The following ATP8B4 variants were observed in gnomAD, a reference collection of about 807,000 sequenced individuals.
ATP8B4 encodes ATPase phospholipid transporting 8B4 (putative), also known as probable phospholipid-transporting ATPase IM.
In ATP8B4, 133 loss-of-function variants were observed where a neutral mutation model predicts 145.6. The observed-to-expected ratio is 0.91, with a 90% CI of 0.79 to 1.05. The LOEUF (loss-of-function observed/expected upper bound fraction) is 1.05, where lower values mean the gene tolerates loss of function less well. Ranked by LOEUF, ATP8B4 falls within the 50% of genes least tolerant of loss-of-function variation. The probability of loss-of-function intolerance (pLI) is 0.00; values close to 1 mark genes in which losing one functional copy is unlikely to be tolerated. For missense variants in ATP8B4, 1,458 were observed against 1,425.2 expected (o/e 1.02, Z -0.37); for synonymous variants, 507 against 492.9 (o/e 1.03, Z -0.38).
At chr15:50,146,431 A>G (rs185350855) in intron 1 of ATP8B4, among the ~76,000 whole-genome samples, 1 of 152,244 alleles carries the variant, frequency 6.6e-6, no homozygotes. Context: ...GAACAAGAAA[A>G]ATAATTATTC....
At chr15:50,027,791 C>G (rs2050125005) in intron 6 of ATP8B4, among the ~76,000 whole-genome samples, 1 of 152,160 alleles carries the variant, frequency 6.6e-6, no homozygotes, top group Non-Finnish European at 1.5e-5. Context: ...TGGATAGGTC[C>G]TCGAAAACTA....
chr15:49,944,460 A>C (rs918357359), intron 14 of ATP8B4, among the ~76,000 whole-genome samples: 2 of 152,174 alleles, frequency 1.3e-5, no homozygotes, highest in African/African-American at 4.8e-5. Context: ...GTCAAAAACC[A>C]TTACAAGAGA....
intron 1 of ATP8B4, among the ~76,000 whole-genome samples, chr15:50,137,887 T>A (rs1054852314): frequency 6.6e-6 from 1 of 152,216 alleles, no homozygotes; most frequent in African/African-American, 2.4e-5. Context: ...ATGTTTTCAC[T>A]GTACCACATC....
At chr15:49,990,561 A>C (rs561971461) in intron 9 of ATP8B4, among the ~76,000 whole-genome samples, 5 of 152,266 alleles carry the variant, frequency 3.3e-5, no homozygotes, top group African/African-American at 1.2e-4. Context: ...ATACTGAAAA[A>C]AATCTACAGG....
intron 7 of ATP8B4, among the ~76,000 whole-genome samples, chr15:50,006,084 G>A (rs1234127658): frequency 6.6e-6 from 1 of 152,000 alleles, no homozygotes; most frequent in Admixed American, 6.6e-5. Flanking sequence ...TATGGTAATA[G>A]GTAACGTTTG....
intron 6 of ATP8B4, among the ~76,000 whole-genome samples, chr15:50,023,797 GAAAAAAAAGA>G (rs1567216032): frequency 8.7e-5 from 8 of 91,598 alleles, no homozygotes; most frequent in African/African-American, 1.3e-4. Context: ...AAAAAAAAAA[GAAAAAAAAGA>G]AAAAAAAAAA....
chr15:50,145,069 T>C (rs2044259895), intron 1 of ATP8B4, among the ~76,000 whole-genome samples: 1 of 152,250 alleles, frequency 6.6e-6, no homozygotes, highest in Admixed American at 6.5e-5. Context: ...GTATTACCTC[T>C]ACAATCCCAG....
chr15:50,052,502 A>C (rs983916564), intron 3 of ATP8B4, among the ~76,000 whole-genome samples: 3 of 152,246 alleles, frequency 2.0e-5, no homozygotes, highest in African/African-American at 7.2e-5. Context: ...GAGGAAGCAC[A>C]TGTTCCCTGT....
intron 23 of ATP8B4, among the ~76,000 whole-genome samples, chr15:49,893,790 ATG>A: frequency 6.6e-6 from 1 of 152,230 alleles, no homozygotes; most frequent in Non-Finnish European, 1.5e-5. Context: ...GGTAAATTTT[ATG>A]TGTTTTTTAC....
intron 1 of ATP8B4, among the ~76,000 whole-genome samples, chr15:50,110,410 G>A (rs796582558): frequency 2.3e-4 from 35 of 152,248 alleles, no homozygotes; most frequent in African/African-American, 7.5e-4. Flanking sequence ...TCAACTCACC[G>A]AAATACCACC....
chr15:49,920,430 C>T lies in ATP8B4; in HGVS notation c.1759-20G>A, dbSNP rs377443120. On this transcript the variant is annotated intron_variant, in intron 17 of 27. Coordinates refer to ENST00000284509, the MANE Select transcript of ATP8B4 (RefSeq NM_024837.4). ...AAATTCCTGCCAGAGATGACATAGA[C>T]TCATGAACCATCAAAGAAACAATAA... is the stretch of plus-strand genomic sequence containing the variant. 4.4e-6 allele frequency: 7 copies of T among 1,582,592 alleles called. No homozygotes were observed. The highest frequency in any genetic ancestry group is 6.0e-6 in the Non-Finnish European group (7 of 1,167,030).
chr15:49,885,295 C>T (rs1450281968), intron 23 of ATP8B4, among the ~76,000 whole-genome samples: 1 of 152,164 alleles, frequency 6.6e-6, no homozygotes, highest in Non-Finnish European at 1.5e-5. Flanking sequence ...TGGAAGTTTC[C>T]TCTGAACACT....
chr15:49,967,491 C>A (rs2044661030), intron 13 of ATP8B4, among the ~76,000 whole-genome samples: 1 of 151,994 alleles, frequency 6.6e-6, no homozygotes, highest in South Asian at 2.1e-4. Flanking sequence ...GAATCAATAG[C>A]TGAATCGATC....
chr15:49,915,834 GTTT>G (rs76351737), intron 20 of ATP8B4, among the ~76,000 whole-genome samples: 2 of 141,510 alleles, frequency 1.4e-5, no homozygotes, highest in Non-Finnish European at 1.5e-5. Flanking sequence ...GATATAGCAG[GTTT>G]TTTTTTTTTT....
chr15:49,870,597 G>A (rs1338174538), intron 25 of ATP8B4, among the ~76,000 whole-genome samples: 1 of 152,182 alleles, frequency 6.6e-6, no homozygotes, highest in African/African-American at 2.4e-5. Flanking sequence ...CTTAAACAGT[G>A]AGGAAAGGAT....
chr15:50,090,242 G>A (rs1398370863), intron 2 of ATP8B4, among the ~76,000 whole-genome samples: 2 of 152,058 alleles, frequency 1.3e-5, no homozygotes, highest in African/African-American at 4.8e-5. Flanking sequence ...GAGAGCATCG[G>A]GAAAAATAGT....
chr15:49,900,659 TAA>T (rs2037919913), intron 21 of ATP8B4, among the ~76,000 whole-genome samples: 1 of 152,208 alleles, frequency 6.6e-6, no homozygotes, highest in African/African-American at 2.4e-5. Flanking sequence ...TTAATGGCAA[TAA>T]TTTCGTATAG....
chr15:50,016,711 A>T (rs2049118717), intron 6 of ATP8B4, among the ~76,000 whole-genome samples: 1 of 152,174 alleles, frequency 6.6e-6, no homozygotes, highest in Admixed American at 6.5e-5. Flanking sequence ...GAGTGTCCTT[A>T]AGGAAAACAC....
chr15:50,116,463 G>A (rs2057163047), intron 1 of ATP8B4, among the ~76,000 whole-genome samples: 1 of 152,142 alleles, frequency 6.6e-6, no homozygotes, highest in African/African-American at 2.4e-5. Context: ...GTTTGAACAT[G>A]TGGGCTTAAA....
Sources: gnomAD v4.1 joint callset for allele counts (sites outside exome capture counted in the v4.1 genomes callset) on GRCh38, gnomAD v4.1.1 for gene constraint, MANE v1.5 for transcripts, NCBI Gene and HGNC (gene_info 2026-07-23, HGNC 2026-07-21) for gene names.